Variants in CNTNAP5 observed in about 807,000 individuals in gnomAD.
CNTNAP5 encodes the protein contactin-associated protein-like 5.
CNTNAP5 carries 72 observed loss-of-function variants against 150.2 expected under a neutral mutation model. The observed-to-expected ratio is 0.48, with a 90% CI of 0.40 to 0.58. The LOEUF (loss-of-function observed/expected upper bound fraction) is 0.58. Ranked by LOEUF, CNTNAP5 falls within the 20% of genes least tolerant of loss-of-function variation. CNTNAP5 has a pLI of 0.00. For synonymous variants in CNTNAP5, 672 were observed against 619.8 expected, an observed-to-expected ratio of 1.08 and a Z score of -1.25; for missense variants, 1,636 against 1,626.2, an observed-to-expected ratio of 1.01 and a Z score of -0.10.
At chr2:124,170,158 A>C (rs1684896410) in intron 1 of CNTNAP5, among the ~76,000 whole-genome samples, 1 of 152,202 alleles carries the variant, frequency 6.6e-6, no homozygotes, top group African/African-American at 2.4e-5. Context: ...ATCTGAGGAC[A>C]AGAACTGAAA....
At chr2:124,889,847 T>G (rs1678157327) in intron 21 of CNTNAP5, among the ~76,000 whole-genome samples, 1 of 152,072 alleles carries the variant, frequency 6.6e-6, no homozygotes, top group Non-Finnish European at 1.5e-5. Context: ...CAAGACAGTA[T>G]TATCGCCACT....
At chr2:124,574,037 C>A (rs965098026) in intron 11 of CNTNAP5, among the ~76,000 whole-genome samples, 1 of 152,168 alleles carries the variant, frequency 6.6e-6, no homozygotes, top group African/African-American at 2.4e-5. Flanking sequence ...CCTTTCTATG[C>A]TGCTAGGTCA....
chr2:124,769,222 C>G (rs2104607019), intron 16 of CNTNAP5, among the ~76,000 whole-genome samples: 1 of 152,246 alleles, frequency 6.6e-6, no homozygotes, highest in East Asian at 1.9e-4. Flanking sequence ...CAGGAGTCTT[C>G]TTAGCAGCTT....
chr2:124,099,571 C>T (rs1017309297), intron 1 of CNTNAP5, among the ~76,000 whole-genome samples: 4 of 152,128 alleles, frequency 2.6e-5, no homozygotes, highest in Non-Finnish European at 4.4e-5. Flanking sequence ...TTGAGATTAT[C>T]GAGCCGTATG....
rs1553480439 is a variant in CNTNAP5 at position 124,567,862 on chromosome 2, T to TAGATAGATAGATAGATAGATAG, written c.1756+4560_1756+4561insGAGATAGATAGATAGATAGATA. Reference sequence around the variant, plus strand: ...ATAGATAGATAGATAGATAGATAGATAGATAGATAGATAGATAGATATAGA... The same window carrying TAGATAGATAGATAGATAGATAG: ...ATAGATAGATAGATAGATAGATAGATAGATAGATAGATAGATAGATAGAGATAGATAGATAGATAGATATAGA... On this transcript the variant is annotated intron_variant, in intron 11 of 23. Coordinates refer to ENST00000682447, the MANE Select transcript of CNTNAP5 (RefSeq NM_001367498.1). Among the ~76,000 whole-genome samples the TAGATAGATAGATAGATAGATAG allele has an allele frequency of 1.6e-3, 200 of 128,156 alleles. 1 individual carries two copies. Among genetic ancestry groups the TAGATAGATAGATAGATAGATAG allele is most frequent in the South Asian group, 0.016 (58 of 3,718 alleles). The allele number at this position is 128,156 out of a possible 152,430, so 84.1% of individuals were successfully genotyped here.
At chr2:124,122,959 G>T (rs1373780226) in intron 1 of CNTNAP5, among the ~76,000 whole-genome samples, 1 of 151,984 alleles carries the variant, frequency 6.6e-6, no homozygotes, top group East Asian at 1.9e-4. Context: ...GTCCAAGATG[G>T]CCAAATAGGA....
At position 124,674,554 on chromosome 2, in the gene CNTNAP5, CCTTT is replaced by C. The variant is rs1212609539; in HGVS notation, c.2077+26600_2077+26603del. On this transcript the variant is annotated intron_variant, in intron 13 of 23. Transcript: ENST00000682447. ...TTCTTTCTTTCTTTCTTTCTTTCTT[CCTTT>C]CTTCCTTTCTTTCTTTCTTTTCATC... 4.1e-3 allele frequency among the ~76,000 whole-genome samples: 250 copies of C among 61,540 alleles called. 8 individuals carry two copies. The Admixed American group carries it at 0.047, about 11-fold the overall frequency. 40.4% of individuals were successfully genotyped at this position (61,540 alleles called of 152,430 possible).
intron 14 of CNTNAP5, among the ~76,000 whole-genome samples, chr2:124,753,832 C>T (rs968606050): frequency 6.6e-6 from 1 of 152,180 alleles, no homozygotes; most frequent in African/African-American, 2.4e-5. Flanking sequence ...TAAATATATA[C>T]AATTTTTGTT....
intron 4 of CNTNAP5, among the ~76,000 whole-genome samples, chr2:124,419,140 C>CAAAAAAAAAAAAAAAAAAAAAAAAA (rs778863758): frequency 1.0e-4 from 3 of 28,906 alleles, no homozygotes; most frequent in Non-Finnish European, 1.3e-4. Context: ...GACTCCTTCT[C>CAAAAAAAAAAAAAAAAAAAAAAAAA]AAAAAAAAAA....
chr2:124,055,007 T>G (rs1681807108), intron 1 of CNTNAP5, among the ~76,000 whole-genome samples: 2 of 152,146 alleles, frequency 1.3e-5, no homozygotes, highest in African/African-American at 4.8e-5. Flanking sequence ...GAGTCTGGGC[T>G]CTCACCCCTC....
chr2:124,829,430 G>A (rs554368325), intron 19 of CNTNAP5, among the ~76,000 whole-genome samples: 19 of 152,010 alleles, frequency 1.2e-4, no homozygotes, highest in Non-Finnish European at 2.6e-4. Context: ...CTATTTGTTG[G>A]AAAGCATATT....
intron 5 of CNTNAP5, among the ~76,000 whole-genome samples, chr2:124,440,947 T>C (rs981201012): frequency 4.6e-5 from 7 of 152,256 alleles, no homozygotes; most frequent in African/African-American, 1.7e-4. Flanking sequence ...ATCAAGAGTT[T>C]GATAATTTCG....
rs772470939 is a variant in CNTNAP5, at chr2:124,609,927, G to T, written c.1876+7G>T. ...GTGTACTGCAATATCACTGGTAAGG[G>T]TGCAGTAGCCCTACTCACACTTAAC... is the stretch of plus-strand genomic sequence containing the variant. On this transcript the variant is annotated splice_region_variant and intron_variant, in intron 12 of 23. Transcript: ENST00000682447. 9 of 1,611,888 alleles carry T rather than the reference G, an allele frequency of 5.6e-6. No individual in the cohort carries two copies. In the South Asian group the frequency reaches 8.8e-5, roughly 16 times the overall value.
At chr2:124,859,374 A>G (rs1677459384) in intron 19 of CNTNAP5, among the ~76,000 whole-genome samples, 2 of 152,236 alleles carry the variant, frequency 1.3e-5, no homozygotes. Context: ...ATCTCATACC[A>G]GTTAGAATGG....
intron 17 of CNTNAP5, among the ~76,000 whole-genome samples, chr2:124,779,932 G>A (rs183255746): frequency 6.6e-6 from 1 of 152,160 alleles, no homozygotes; most frequent in African/African-American, 2.4e-5. Flanking sequence ...GTTTCTTTGT[G>A]GGAAGACGTA....
rs1385907475 is a variant in CNTNAP5 at position 124,914,326 on chromosome 2, T to A, written c.*38T>A. On this transcript the variant is annotated 3_prime_UTR_variant, in exon 24 of 24. Transcript: ENST00000682447. ...TTCCTACTACTCTTTTTTCTTGTTGTTCAATTATCTCCTCCCCCTCTTCTC... is the reference window on the plus strand; with the variant it reads ...TTCCTACTACTCTTTTTTCTTGTTGATCAATTATCTCCTCCCCCTCTTCTC... 1.4e-6 allele frequency: 2 copies of A among 1,396,168 alleles called. No homozygotes were observed. The highest frequency in any genetic ancestry group is 2.0e-6 in the Non-Finnish European group (2 of 992,734). The allele number at this position is 1,396,168 out of a possible 1,614,324, so 86.5% of individuals were successfully genotyped here.
chr2:124,251,991 C>T (rs1687191080), intron 3 of CNTNAP5, among the ~76,000 whole-genome samples: 1 of 152,158 alleles, frequency 6.6e-6, no homozygotes, highest in Admixed American at 6.6e-5. Context: ...GAATATGAAG[C>T]ATTCTGCATG....
At chr2:124,057,963 T>C (rs1383502443) in intron 1 of CNTNAP5, among the ~76,000 whole-genome samples, 1 of 152,092 alleles carries the variant, frequency 6.6e-6, no homozygotes, top group African/African-American at 2.4e-5. Flanking sequence ...ACACCTACTA[T>C]GTAACCACAA....
Position 124,524,221 on chromosome 2 carries a change from C to A in CNTNAP5, c.1328-82C>A. On this transcript the variant is annotated intron_variant, in intron 8 of 23. Transcript: ENST00000682447. ...TTTGCTCTGAGAATGGCATGGACGG[C>A]AGCAGGCTGGGAAATGAGCCCCCTC... The A allele has an allele frequency of 2.1e-6, 3 of 1,435,230 alleles. No homozygotes were observed. In the South Asian group the frequency reaches 3.6e-5, roughly 17 times the overall value. 88.9% of individuals were successfully genotyped at this position (1,435,230 alleles called of 1,614,324 possible).
Sources: gnomAD v4.1 joint callset for allele counts (sites outside exome capture counted in the v4.1 genomes callset) on GRCh38, gnomAD v4.1.1 for gene constraint, MANE v1.5 for transcripts, NCBI Gene and HGNC (gene_info 2026-07-23, HGNC 2026-07-21) for gene names.